UBE4A: variants seen among roughly 807,000 people sequenced by gnomAD.
UBE4A encodes ubiquitination factor E4A.
Under a neutral mutation model 117.9 loss-of-function variants are expected in UBE4A, and 48 were observed. The observed-to-expected ratio is 0.41, with a 90% confidence interval of 0.32 to 0.52. UBE4A has a LOEUF of 0.52. Among genes scored for constraint, UBE4A ranks in the 20% least tolerant of loss-of-function variants. The pLI is 0.33. For missense variants in UBE4A, 1,067 were observed against 1,296.3 expected, an observed-to-expected ratio of 0.82 and a Z score of 2.72; for synonymous variants, 407 against 450.0, an observed-to-expected ratio of 0.90 and a Z score of 1.21.
At chr11:118,380,134 CGTGT>C (rs55892936) in intron 11 of UBE4A, among the ~76,000 whole-genome samples, 6,121 of 136,816 alleles carry the variant, frequency 0.045, 162 homozygotes, top group African/African-American at 0.075. Context: ...TGTGTGTGTG[CGTGT>C]GTGTGTGTGT....
intron 16 of UBE4A, among the ~76,000 whole-genome samples, chr11:118,387,694 C>A (rs894808253): frequency 1.3e-4 from 20 of 152,116 alleles, no homozygotes; most frequent in Non-Finnish European, 2.8e-4. Flanking sequence ...AAACAAGACC[C>A]TAAAATAGCC....
intron 11 of UBE4A, among the ~76,000 whole-genome samples, 175 bp downstream of exon 11, chr11:118,379,925 T>C (rs1358158872): frequency 1.3e-5 from 2 of 152,254 alleles, no homozygotes; most frequent in Non-Finnish European, 2.9e-5. Flanking sequence ...ACTAACAGTT[T>C]GTTCCCTCAA....
In UBE4A at chr11:118,397,300, T is replaced by C. The variant is rs1948884340; in HGVS notation, c.*860T>C. The C allele has an allele frequency of 1.3e-5, 2 of 152,316 alleles. No homozygotes were observed. The highest frequency in any genetic ancestry group is 4.1e-4 in the South Asian group (2 of 4,828). 9.4% of individuals were successfully genotyped at this position (152,316 alleles called of 1,614,324 possible). On this transcript the variant is annotated 3_prime_UTR_variant, in exon 20 of 20. Transcript: ENST00000252108. ...GATATATAAATACACATACACCCCATGTGCTTTTTTGTTGGTTTAGTGTAA... is the reference window on the plus strand; with the variant it reads ...GATATATAAATACACATACACCCCACGTGCTTTTTTGTTGGTTTAGTGTAA...
At chr11:118,369,617 T>C (rs11216860) in intron 4 of UBE4A, 82 bp downstream of exon 4, 263,030 of 969,994 alleles carry the variant, frequency 0.27, 42,252 homozygotes, top group East Asian at 0.56. Context: ...CTCCAACTTA[T>C]GCTTGTGTCC....
At chr11:118,387,866 C>T (rs1219756241) in intron 16 of UBE4A, among the ~76,000 whole-genome samples, 3 of 152,098 alleles carry the variant, frequency 2.0e-5, no homozygotes, top group Admixed American at 1.3e-4. Flanking sequence ...CCCAGGATGA[C>T]GGTGAAAGGA....
At position 118,379,449 on chromosome 11, in the gene UBE4A, G is replaced by A; in HGVS notation, c.1575G>A (p.Leu525=). The change falls in exon 11 of 20, where the codon TTG becomes TTA. Residue 525 remains leucine (L), a synonymous_variant. Coordinates refer to ENST00000252108, the MANE Select transcript of UBE4A (RefSeq NM_001204077.2). ...TCTTCTGCTTTCTTGGGGGCAGGTT[G>A]CATGATCAGATGGTAAAAATCAACC... The part of the protein sequence containing the change: ...EYTLYLGFHR[L]HDQMVKINQN... 6.2e-7 allele frequency: 1 copy of A among 1,611,302 alleles called. No individual in the cohort carries two copies. Among genetic ancestry groups the A allele is most frequent in the South Asian group, 1.1e-5 (1 of 91,038 alleles).
intron 18 of UBE4A, among the ~76,000 whole-genome samples, chr11:118,391,600 C>G (rs1367394043): frequency 6.6e-6 from 1 of 151,714 alleles, no homozygotes; most frequent in Non-Finnish European, 1.5e-5. Context: ...AGCGACCATC[C>G]TGGCTAACAC....
intron 16 of UBE4A, 123 bp from the exon 17 acceptor site, chr11:118,389,602 G>A (rs1555127862): frequency 9.2e-6 from 9 of 973,262 alleles, no homozygotes; most frequent in Non-Finnish European, 1.1e-5. Flanking sequence ...TAAAAAAGTA[G>A]TTCCTTCAAA....
rs755770564 is a variant in UBE4A at position 118,369,463 on chromosome 11, T to C, written c.336T>C (p.Arg112=). ...AAAGCGGGAATGGCATCCCTAGCCG[T>C]TGTGTGTATTTGGAAGAAATGGCAG... ...SLKSGNGIPS[R]CVYLEEMAVE... is the part of the protein sequence containing the mutation. Residue 112 remains arginine (R), a synonymous_variant, in exon 4 of 20, where the codon CGT becomes CGC. Coordinates refer to ENST00000252108, the MANE Select transcript of UBE4A (RefSeq NM_001204077.2). The C allele has an allele frequency of 1.2e-6, 2 of 1,614,166 alleles. No individual in the cohort carries two copies. Among genetic ancestry groups the C allele is most frequent in the Non-Finnish European group, 1.7e-6 (2 of 1,180,022 alleles).
intron 18 of UBE4A, 99 bp from the exon 19 acceptor site, chr11:118,392,639 G>GT (rs1348695179): frequency 5.6e-6 from 7 of 1,247,082 alleles, no homozygotes; most frequent in Non-Finnish European, 6.7e-6. Flanking sequence ...TTAATGACCT[G>GT]TTTTTTTATT....
At chr11:118,380,134 CGTGTGTGT>C (rs55892936) in intron 11 of UBE4A, among the ~76,000 whole-genome samples, 5,945 of 136,974 alleles carry the variant, frequency 0.043, 132 homozygotes, top group Middle Eastern at 0.12. Flanking sequence ...TGTGTGTGTG[CGTGTGTGT>C]GTGTGTGTGT....
At chr11:118,389,386 T>TC (rs1555127811) in intron 16 of UBE4A, among the ~76,000 whole-genome samples, 6 of 152,238 alleles carry the variant, frequency 3.9e-5, no homozygotes, top group Non-Finnish European at 7.3e-5. Flanking sequence ...AGTTTCAGAA[T>TC]ATGTAAAATA....
intron 19 of UBE4A, among the ~76,000 whole-genome samples, chr11:118,395,331 G>GAAA (rs34524305): frequency 6.1e-5 from 6 of 97,966 alleles, no homozygotes; most frequent in Non-Finnish European, 1.1e-4. Flanking sequence ...CTCCATCTCA[G>GAAA]AAAAAAAAAA....
intron 2 of UBE4A, among the ~76,000 whole-genome samples, chr11:118,367,103 G>A (rs973170379): frequency 6.6e-6 from 1 of 152,078 alleles, no homozygotes; most frequent in Non-Finnish European, 1.5e-5. Flanking sequence ...ACTTGGCTGA[G>A]GCAGGAGAAT....
intron 10 of UBE4A, chr11:118,378,534 A>T (rs1948673456): frequency 6.6e-6 from 1 of 152,234 alleles, no homozygotes; most frequent in African/African-American, 2.4e-5. Flanking sequence ...CAACTCAGTC[A>T]TAGAAAGGGA....
chr11:118,380,745 C>A (rs1158834835), intron 11 of UBE4A, among the ~76,000 whole-genome samples: 1 of 152,146 alleles, frequency 6.6e-6, no homozygotes, highest in Admixed American at 6.5e-5. Context: ...CACTTACAAG[C>A]CCAGTCATGT....
At chr11:118,371,381 T>G (rs1050924099) in intron 4 of UBE4A, 133 bp from the exon 5 acceptor site, 32 of 1,146,190 alleles carry the variant, frequency 2.8e-5, no homozygotes, top group Non-Finnish European at 3.7e-5. Flanking sequence ...TACAGGGCCC[T>G]TTTTTTCTCC....
chr11:118,382,898 T>C (rs1948718544), intron 13 of UBE4A, 122 bp downstream of exon 13: 1 of 905,854 alleles, frequency 1.1e-6, no homozygotes, highest in Non-Finnish European at 1.5e-6. Flanking sequence ...ACCTACTATA[T>C]GCCAGGCTTG....
intron 19 of UBE4A, among the ~76,000 whole-genome samples, chr11:118,395,826 G>C (rs367836466): frequency 6.6e-6 from 1 of 152,016 alleles, no homozygotes; most frequent in Non-Finnish European, 1.5e-5. Context: ...TAATCCCAGC[G>C]CACTTTGGGA....
Sources: allele counts gnomAD v4.1 joint callset (sites outside exome capture counted in the v4.1 genomes callset), GRCh38; gene constraint gnomAD v4.1.1; transcripts MANE v1.5; gene names NCBI Gene and HGNC (gene_info 2026-07-23, HGNC 2026-07-21).